Variants in GSE1 observed in about 807,000 individuals in gnomAD.
The protein encoded by GSE1 is genetic suppressor element 1.
Under a neutral mutation model 112.6 loss-of-function variants are expected in GSE1, and 32 were observed. The ratio of observed to expected loss-of-function variants is 0.28; its 90% CI spans 0.21 to 0.38. The LOEUF is 0.38. GSE1 is among the 10% of genes least tolerant of loss of function. The pLI is 1.00. For synonymous variants in GSE1, 1,115 were observed against 735.6 expected, an observed-to-expected ratio of 1.52 and a Z score of -8.35; for missense variants, 2,348 against 1,699.2, an observed-to-expected ratio of 1.38 and a Z score of -6.71.
At chr16:85,235,641 C>T (rs1219445846) in intron 1 of GSE1, among the ~76,000 whole-genome samples, 1 of 151,530 alleles carries the variant, frequency 6.6e-6, no homozygotes, top group Non-Finnish European at 1.5e-5. Context: ...TACTCCTCGT[C>T]CCCCCTCCTC....
intron 1 of GSE1, among the ~76,000 whole-genome samples, chr16:85,187,236 G>C (rs768898617): frequency 6.6e-6 from 1 of 152,252 alleles, no homozygotes; most frequent in Non-Finnish European, 1.5e-5. Context: ...GGCTGCAGCA[G>C]CTCCAGGGCC....
intron 2 of GSE1, among the ~76,000 whole-genome samples, chr16:85,638,900 T>A (rs1247697761): frequency 6.6e-6 from 1 of 152,038 alleles, no homozygotes; most frequent in Non-Finnish European, 1.5e-5. Flanking sequence ...GAGCCTGCGG[T>A]GGCTTCCTCT....
intron 1 of GSE1, among the ~76,000 whole-genome samples, chr16:85,271,921 G>T (rs71389109): frequency 4.3e-4 from 66 of 152,238 alleles, no homozygotes; most frequent in Non-Finnish European, 1.5e-4. Context: ...GGGCACCTCA[G>T]GAGTGCCTTC....
chr16:85,224,963 A>G (rs11641990), intron 1 of GSE1, among the ~76,000 whole-genome samples: 33,615 of 152,044 alleles, frequency 0.22, 3,874 homozygotes, highest in South Asian at 0.34. Context: ...CCCTGTCTGT[A>G]GTAAAAATAC....
intron 1 of GSE1, among the ~76,000 whole-genome samples, chr16:85,564,972 G>C (rs987320850): frequency 5.9e-5 from 9 of 152,118 alleles, no homozygotes; most frequent in African/African-American, 2.2e-4. Flanking sequence ...CCAGGGGATG[G>C]TGAAGTGTGG....
chr16:85,192,198 C>G (rs2074837687), intron 1 of GSE1, among the ~76,000 whole-genome samples: 1 of 152,216 alleles, frequency 6.6e-6, no homozygotes. Flanking sequence ...CTTTTTCACC[C>G]AGGACATCAT....
At chr16:85,607,195 C>T (rs2047742978), upstream of GSE1, among the ~76,000 whole-genome samples, 1 of 152,066 alleles carries the variant, frequency 6.6e-6, no homozygotes, top group African/African-American at 2.4e-5. Context: ...GAGCCCAGGT[C>T]ATAGAGTGGG....
intron 2 of GSE1, among the ~76,000 whole-genome samples, chr16:85,519,230 T>A (rs1181569657): frequency 6.6e-6 from 1 of 151,942 alleles, no homozygotes; most frequent in East Asian, 1.9e-4. Context: ...ATCTGTATCA[T>A]CACCATCACC....
chr16:85,321,038 T>G (rs1442963367), intron 1 of GSE1, among the ~76,000 whole-genome samples: 1 of 152,208 alleles, frequency 6.6e-6, no homozygotes, highest in Non-Finnish European at 1.5e-5. Context: ...CACCCCGATC[T>G]TATTTAGGTC....
chr16:85,575,515 C>A lies in GSE1; in HGVS notation c.37+19152C>A, dbSNP rs1598247717. Among the ~76,000 whole-genome samples the A allele has an allele frequency of 2.0e-5, 3 of 152,190 alleles. No homozygotes were observed. The South Asian group carries it at 6.2e-4, about 32-fold the overall frequency. On this transcript the variant is annotated intron_variant, in intron 1 of 2. Transcript: ENST00000635906. ...GTCTCCCCTCTTTTCTGATCTCCTCCTTGGGCTTTCACATTTTATTTTTAT... is the reference window on the plus strand; with the variant it reads ...GTCTCCCCTCTTTTCTGATCTCCTCATTGGGCTTTCACATTTTATTTTTAT...
chr16:85,629,436 G>T (rs372751864), intron 1 of GSE1, among the ~76,000 whole-genome samples: 6 of 152,158 alleles, frequency 3.9e-5, no homozygotes, highest in African/African-American at 1.4e-4. Context: ...CCCCTTTTGC[G>T]GTAGCATGTG....
At chr16:85,655,016 T>C (rs1249206841) in intron 5 of GSE1, 25 bp downstream of exon 5, 1 of 1,425,038 alleles carries the variant, frequency 7.0e-7, no homozygotes, top group Non-Finnish European at 9.7e-7. Context: ...ACGCGCCCTC[T>C]CGTCTAGGTG....
intron 1 of GSE1, among the ~76,000 whole-genome samples, chr16:85,267,035 G>A (rs1908319773): frequency 6.6e-6 from 1 of 152,210 alleles, no homozygotes; most frequent in African/African-American, 2.4e-5. Context: ...TTCCTGCCCG[G>A]GAGGCTGGGC....
At chr16:85,470,333 G>T (rs1413904237) in intron 2 of GSE1, among the ~76,000 whole-genome samples, 1 of 152,204 alleles carries the variant, frequency 6.6e-6, no homozygotes, top group Non-Finnish European at 1.5e-5. Context: ...TGATCCAGCC[G>T]CAGCCAGACT....
At chr16:85,571,598 G>A (rs2151331028) in intron 1 of GSE1, among the ~76,000 whole-genome samples, 1 of 152,364 alleles carries the variant, frequency 6.6e-6, no homozygotes, top group South Asian at 2.1e-4. Context: ...GCTCTTGAGA[G>A]CCTAGTGGGG....
At position 85,661,682 on chromosome 16, in the gene GSE1, A is replaced by G. The variant is rs769240026; in HGVS notation, c.2177A>G (p.Tyr726Cys). The change falls in exon 9 of 16, where the codon TAT becomes TGT. Residue 726 changes from tyrosine to cysteine, a missense_variant. Tyr to Cys is a radical substitution (Grantham distance 194). Coordinates refer to ENST00000253458, the MANE Select transcript of GSE1 (RefSeq NM_014615.5). ...CGGGCCCCCGACCCTGCCTACATCTATGATGAGTTCCTGCAGCAGCGCCGG... is the reference window on the plus strand; with the variant it reads ...CGGGCCCCCGACCCTGCCTACATCTGTGATGAGTTCCTGCAGCAGCGCCGG... ...VPRAPDPAYI[Y>C]DEFLQQRRRL... The G allele has an allele frequency of 4.3e-6, 7 of 1,609,788 alleles. No homozygotes were observed. Among genetic ancestry groups the G allele is most frequent in the African/African-American group, 2.7e-5 (2 of 74,880 alleles).
At chr16:85,233,217 C>G (rs1391418193) in intron 1 of GSE1, among the ~76,000 whole-genome samples, 3 of 152,274 alleles carry the variant, frequency 2.0e-5, no homozygotes, top group Non-Finnish European at 4.4e-5. Flanking sequence ...GAGGTGTCTA[C>G]CCAGCCTCGT....
Position 85,663,017 on chromosome 16 carries a change from G to A in GSE1, c.2297G>A (p.Ser766Asn). ...YYDLDDSYDE[S>N]DEEEVRAHLR... is the part of the protein sequence containing the mutation. ...GACCTCGATGACTCTTACGACGAGA[G>A]CGATGAGGAGGAGGTCAGGGCCCAC... is the stretch of plus-strand genomic sequence containing the variant. Residue 766 changes from serine to asparagine, a missense_variant, in exon 10 of 16, where the codon AGC (serine) becomes AAC (asparagine). Coordinates refer to ENST00000253458, the MANE Select transcript of GSE1 (RefSeq NM_014615.5). 1 of 1,613,138 alleles carries A rather than the reference G, an allele frequency of 6.2e-7. No individual in the cohort carries two copies. The highest frequency in any genetic ancestry group is 8.5e-7 in the Non-Finnish European group (1 of 1,179,588).
intron 1 of GSE1, among the ~76,000 whole-genome samples, chr16:85,237,840 G>GA (rs1904820514): frequency 2.3e-5 from 3 of 130,876 alleles, no homozygotes; most frequent in South Asian, 5.2e-4. Context: ...TCTGTCCCCC[G>GA]CAAAAAAAAA....
Sources: gnomAD v4.1 joint callset for allele counts (sites outside exome capture counted in the v4.1 genomes callset) on GRCh38, gnomAD v4.1.1 for gene constraint, MANE v1.5 for transcripts, NCBI Gene and HGNC (gene_info 2026-07-23, HGNC 2026-07-21) for gene names.